The following PLA2G4B variants were observed in gnomAD, a reference collection of about 807,000 sequenced individuals.
PLA2G4B encodes the protein cytosolic phospholipase A2 beta.
A neutral mutation model predicts 95.8 loss-of-function variants in PLA2G4B; 122 were observed. The ratio of observed to expected loss-of-function variants is 1.27; its 90% CI spans 1.10 to 1.48. The LOEUF (loss-of-function observed/expected upper bound fraction) is 1.48, where lower values mean the gene tolerates loss of function less well. Among genes scored for constraint, PLA2G4B ranks in the 40% most tolerant of loss-of-function variants. The pLI, the probability that PLA2G4B is intolerant of heterozygous loss-of-function variation, is 0.00. For missense variants in PLA2G4B, 1,158 were observed against 996.2 expected, an observed-to-expected ratio of 1.16 and a Z score of -2.19; for synonymous variants, 518 against 421.5, an observed-to-expected ratio of 1.23 and a Z score of -2.80.
chr15:41,841,373 C>T (rs2065429573), intron 6 of PLA2G4B, 100 bp downstream of exon 6: 2 of 1,608,916 alleles, frequency 1.2e-6, no homozygotes, highest in Non-Finnish European at 8.5e-7. Context: ...GCCTGGGGAC[C>T]CTGGGATTTC....
In PLA2G4B at chr15:41,845,785, A is replaced by G. The variant is rs780311413; in HGVS notation, c.1495+10A>G. On this transcript the variant is annotated intron_variant, in intron 15 of 19. Coordinates refer to ENST00000458483, the MANE Select transcript of PLA2G4B (RefSeq NM_001114633.2). ...ATCTGCTTCTTAGAAGGTGAGGGGC[A>G]CTGGCAGGCTGGGGAAGCTGGGCCG... is the stretch of plus-strand genomic sequence containing the variant. 65 of 1,585,758 alleles carry G rather than the reference A, an allele frequency of 4.1e-5. No homozygotes were observed. The East Asian group carries it at 1.4e-3, about 35-fold the overall frequency.
intron 16 of PLA2G4B, 67 bp downstream of exon 16, chr15:41,846,114 G>A (rs115866453): frequency 1.3e-6 from 2 of 1,576,698 alleles, no homozygotes; most frequent in Middle Eastern, 3.4e-4. Context: ...CAGGGGGCGG[G>A]GGGTTCACAC....
rs368218325 is a variant in PLA2G4B, at chr15:41,840,239, G to A, written c.82+9G>A. On this transcript the variant is annotated intron_variant, in intron 2 of 19. Coordinates refer to ENST00000458483, the MANE Select transcript of PLA2G4B (RefSeq NM_001114633.2). ...ACCCTCTAAGGACCTAGGTGAGTGCGCACCGCCCTGGCCCCTGTGCTGGGC... is the reference window on the plus strand; with the variant it reads ...ACCCTCTAAGGACCTAGGTGAGTGCACACCGCCCTGGCCCCTGTGCTGGGC... The A allele has an allele frequency of 3.1e-6, 5 of 1,612,462 alleles. No individual in the cohort carries two copies. The highest frequency in any genetic ancestry group is 2.2e-5 in the South Asian group (2 of 91,078).
chr15:41,844,739 C>A, intron 12 of PLA2G4B, 109 bp from the exon 13 acceptor site: 1 of 1,550,662 alleles, frequency 6.4e-7, no homozygotes, highest in Non-Finnish European at 8.7e-7. Context: ...CTCAAGGGGA[C>A]CCTGGGAAGG....
In PLA2G4B at chr15:41,845,391, C is replaced by T. The variant is rs1425651257; in HGVS notation, c.1357+71C>T. On this transcript the variant is annotated intron_variant, in intron 14 of 19. Transcript: ENST00000458483. Reference sequence around the variant, plus strand: ...ATAAGGGGAGAACGAGGACTGTGTGCAGATTGCAGATGTCACACCCACCTC... The same window carrying T: ...ATAAGGGGAGAACGAGGACTGTGTGTAGATTGCAGATGTCACACCCACCTC... 3.4e-5 allele frequency: 52 copies of T among 1,543,776 alleles called. No individual in the cohort carries two copies. In the East Asian group the frequency reaches 6.8e-4, roughly 20 times the overall value.
At position 41,846,214 on chromosome 15, in the gene PLA2G4B, G is replaced by A. The variant is rs770578801; in HGVS notation, c.1612G>A (p.Val538Ile). 3.8e-5 allele frequency: 62 copies of A among 1,613,658 alleles called. No individual in the cohort carries two copies. The South Asian group carries it at 6.8e-4, about 18-fold the overall frequency. Reference protein sequence around the residue: ...RNQANLDKEQVPLLKIEEPPS... With the variant: ...RNQANLDKEQIPLLKIEEPPS... ...CCTTGCCTGTGTAGACAAGGAGCAG[G>A]TCCCCCTTCTGAAGATAGAAGAACC... The change falls in exon 17 of 20, where the codon GTC (valine) becomes ATC (isoleucine). Residue 538 changes from valine (V) to isoleucine (I), a missense_variant. By Grantham distance (29) the Val-to-Ile change is conservative (BLOSUM62 3). Transcript: ENST00000458483.
intron 1 of PLA2G4B, chr15:41,839,249 G>C (rs1397293100): frequency 7.7e-6 from 2 of 258,122 alleles, no homozygotes; most frequent in African/African-American, 4.5e-5. Flanking sequence ...TGACTCAGTT[G>C]CCTGGAGTGT....
chr15:41,841,548 T>G lies in PLA2G4B; in HGVS notation c.467T>G (p.Leu156Arg). ...ARELSCLHVQ[L>R]EETGDQKSSE... ...GAGCTCTCCTGCTTGCACGTTCAACTGGAGGAGACAGGAGACCAGAAGTGT... is the reference window on the plus strand; with the variant it reads ...GAGCTCTCCTGCTTGCACGTTCAACGGGAGGAGACAGGAGACCAGAAGTGT... The change falls in exon 7 of 20, where the codon CTG becomes CGG. Residue 156 changes from leucine (L) to arginine (R), a missense_variant. Coordinates refer to ENST00000458483, the MANE Select transcript of PLA2G4B (RefSeq NM_001114633.2). The G allele has an allele frequency of 6.2e-7, 1 of 1,614,058 alleles. No individual in the cohort carries two copies. The highest frequency in any genetic ancestry group is 1.1e-5 in the South Asian group (1 of 91,080).
Position 41,840,918 on chromosome 15 carries a change from T to C in PLA2G4B, c.351+13T>C. 3 of 1,610,442 alleles carry C rather than the reference T, an allele frequency of 1.9e-6. No homozygotes were observed. Among genetic ancestry groups the C allele is most frequent in the Non-Finnish European group, 2.5e-6 (3 of 1,177,314 alleles). On this transcript the variant is annotated intron_variant, in intron 4 of 19. Transcript: ENST00000458483. ...ACTGAGCCCTCAGGCAAGGCGGTGT[T>C]TCCACGGCAGCCCTAGCTGGTGTCT... is the stretch of plus-strand genomic sequence containing the variant.
At position 41,845,933 on chromosome 15, in the gene PLA2G4B, G is replaced by T; in HGVS notation, c.1496-10G>T. 10 of 1,514,236 alleles carry T rather than the reference G, an allele frequency of 6.6e-6. No homozygotes were observed. Among genetic ancestry groups the T allele is most frequent in the Non-Finnish European group, 8.8e-6 (10 of 1,131,698 alleles). 93.8% of individuals were successfully genotyped at this position (1,514,236 alleles called of 1,614,324 possible). On this transcript the variant is annotated splice_polypyrimidine_tract_variant and intron_variant, in intron 15 of 19. Coordinates refer to ENST00000458483, the MANE Select transcript of PLA2G4B (RefSeq NM_001114633.2). The stretch of plus-strand genomic sequence containing the variant: ...TCGGGGGCCCTCTTCCCTCACGGCC[G>T]CTCTTTCAGGTATCTGGAGCAACCT...
rs778222233 is a variant in PLA2G4B at position 41,847,401 on chromosome 15, G to A, written c.2012G>A (p.Ser671Asn). ...ATCCCGTTCCCACCCATCTCGCCCA[G>A]CCCCGAAGAGCAGCTCCAGCCTCGG... ...QGIPFPPISP[S>N]PEEQLQPREC... The change falls in exon 19 of 20, where the codon AGC (serine) becomes AAC (asparagine). Residue 671 changes from serine to asparagine, a missense_variant. Physicochemically the swap from Ser to Asn is conservative, Grantham distance 46. Coordinates refer to ENST00000458483, the MANE Select transcript of PLA2G4B (RefSeq NM_001114633.2). 31 of 1,612,658 alleles carry A rather than the reference G, an allele frequency of 1.9e-5. 1 individual carries two copies. The South Asian group carries it at 3.1e-4, about 16-fold the overall frequency.
At position 41,842,218 on chromosome 15, in the gene PLA2G4B, C is replaced by T. The variant is rs117260632; in HGVS notation, c.647C>T (p.Ala216Val). Residue 216 changes from alanine (A) to valine (V), a missense_variant, in exon 9 of 20, where the codon GCG (alanine) becomes GTG (valine). Ala to Val is a moderately conservative substitution (Grantham distance 64). Transcript: ENST00000458483. ...GATGCCCCCGAGGAGCAACTAAAGG[C>T]GCCACTGAGTGCCCTGCCCTCTGGT... ...LQDAPEEQLKAPLSALPSGQV... is the reference protein window; with the variant it reads ...LQDAPEEQLKVPLSALPSGQV... The T allele has an allele frequency of 0.019, 30,858 of 1,614,088 alleles. 331 individuals carry two copies. The highest frequency in any genetic ancestry group is 0.023 in the Non-Finnish European group (26,866 of 1,179,988).
rs1595418592 is a variant in PLA2G4B, at chr15:41,840,762, T to C, written c.220-12T>C. ...CTCCCTCCTGCAGCCCTGTCACTCT[T>C]TTCCCCTCCAGAATGTCATGGAACT... On this transcript the variant is annotated splice_polypyrimidine_tract_variant and intron_variant, in intron 3 of 19. Coordinates refer to ENST00000458483, the MANE Select transcript of PLA2G4B (RefSeq NM_001114633.2). The C allele has an allele frequency of 6.2e-7, 1 of 1,613,064 alleles. No individual in the cohort carries two copies.
chr15:41,846,159 A>G (rs752206564), intron 16 of PLA2G4B, 44 bp from the exon 17 acceptor site: 1 of 1,598,084 alleles, frequency 6.3e-7, no homozygotes, highest in Non-Finnish European at 8.6e-7. Flanking sequence ...CAAGGTGGGG[A>G]TAAAGGTGCA....
chr15:41,846,195 C>T lies in PLA2G4B; in HGVS notation c.1601-8C>T. 3.1e-6 allele frequency: 5 copies of T among 1,611,356 alleles called. No homozygotes were observed. Among genetic ancestry groups the T allele is most frequent in the Non-Finnish European group, 4.2e-6 (5 of 1,177,788 alleles). On this transcript the variant is annotated splice_region_variant and splice_polypyrimidine_tract_variant and intron_variant, in intron 16 of 19. Transcript: ENST00000458483. ...GGAGTCCCCATTTCCCCCACCTTGC[C>T]TGTGTAGACAAGGAGCAGGTCCCCC...
Position 41,845,943 on chromosome 15 carries a change from G to A in PLA2G4B, c.1496G>A (p.Gly499Asp). Residue 499 changes from glycine (G) to aspartate (D), a missense_variant and splice_region_variant, in exon 16 of 20, where the codon GGT (glycine) becomes GAT (aspartate). Transcript: ENST00000458483. ...LPESRICFLE[G>D]IWSNLYAANL... ...TCTTCCCTCACGGCCGCTCTTTCAG[G>A]TATCTGGAGCAACCTGTATGCAGCC... 1.3e-6 allele frequency: 2 copies of A among 1,514,896 alleles called. No homozygotes were observed. Among genetic ancestry groups the A allele is most frequent in the Middle Eastern group, 1.8e-4 (1 of 5,504 alleles). The allele number at this position is 1,514,896 out of a possible 1,614,324, so 93.8% of individuals were successfully genotyped here.
chr15:41,848,102 T>C lies in PLA2G4B; in HGVS notation c.*242T>C. The C allele has an allele frequency of 1.7e-6, 1 of 594,652 alleles. No homozygotes were observed. The highest frequency in any genetic ancestry group is 3.0e-6 in the Non-Finnish European group (1 of 336,272). The allele number at this position is 594,652 out of a possible 1,614,324, so 36.8% of individuals were successfully genotyped here. The stretch of plus-strand genomic sequence containing the variant: ...TGCCTGTTTTCCCTTCTGCGCTACC[T>C]TGAGTAGTTGGAGCACTTGATACAT... On this transcript the variant is annotated 3_prime_UTR_variant, in exon 20 of 20. Transcript: ENST00000458483.
rs138666650 is a variant in PLA2G4B at position 41,842,793 on chromosome 15, G to C, written c.743+202G>C. 1,209 of 763,480 alleles carry C rather than the reference G, an allele frequency of 1.6e-3. 15 individuals are homozygous for C. The African/African-American group carries it at 0.02, about 13-fold the overall frequency. The allele number at this position is 763,480 out of a possible 1,614,324, so 47.3% of individuals were successfully genotyped here. A position where few individuals can be genotyped will look rare whatever the true frequency, so the allele number is the denominator to read the frequency against. ...TCTTAGCACCTATGGTCAGAGGGGC[G>C]AGTGACCGGCCCAGTGCCAGGCACC... On this transcript the variant is annotated intron_variant, in intron 10 of 19. Coordinates refer to ENST00000458483, the MANE Select transcript of PLA2G4B (RefSeq NM_001114633.2).
chr15:41,845,197 C>T lies in PLA2G4B; in HGVS notation c.1240-6C>T. Reference sequence around the variant, plus strand: ...GTGGGTTTAGGTTCTACGCATCTTTCCCCAGCCCCATGATCACAAGCTCTC... The same window carrying T: ...GTGGGTTTAGGTTCTACGCATCTTTTCCCAGCCCCATGATCACAAGCTCTC... On this transcript the variant is annotated splice_region_variant and splice_polypyrimidine_tract_variant and intron_variant, in intron 13 of 19. Coordinates refer to ENST00000458483, the MANE Select transcript of PLA2G4B (RefSeq NM_001114633.2). 6.2e-7 allele frequency: 1 copy of T among 1,614,128 alleles called. No homozygotes were observed. Among genetic ancestry groups the T allele is most frequent in the Non-Finnish European group, 8.5e-7 (1 of 1,179,994 alleles).
Sources: allele counts gnomAD v4.1 joint callset, GRCh38; gene constraint gnomAD v4.1.1; transcripts MANE v1.5; gene names NCBI Gene and HGNC (gene_info 2026-07-23, HGNC 2026-07-21).